The following SRFBP1 variants were observed in gnomAD, a reference collection of about 807,000 sequenced individuals.
The protein encoded by SRFBP1 is serum response factor binding protein 1.
In SRFBP1, 47 loss-of-function variants were observed where a neutral mutation model predicts 45.5. The ratio of observed to expected loss-of-function variants is 1.03; its 90% CI spans 0.82 to 1.32. The LOEUF is 1.32. SRFBP1 is among the 40% of genes most tolerant of loss of function. The pLI is 0.00. For synonymous variants in SRFBP1, 203 were observed against 166.3 expected (o/e 1.22, Z -1.70); for missense variants, 621 against 484.6 (o/e 1.28, Z -2.64).
chr5:122,033,881 T>TGGCACGATCTCGGCTCACTGCAGC (rs1753633170), intron 2 of SRFBP1, among the ~76,000 whole-genome samples: 1 of 146,648 alleles, frequency 6.8e-6, no homozygotes, highest in Admixed American at 6.9e-5. Context: ...TGGAGTGCAG[T>TGGCACGATCTCGGCTCACTGCAGC]GGCACGATCT....
At chr5:122,070,069 C>T in intron 2 of SRFBP1, 1 of 1,611,346 alleles carries the variant, frequency 6.2e-7, no homozygotes, top group Non-Finnish European at 8.5e-7. Flanking sequence ...ATTGTGCAGC[C>T]TGAGGCATAC....
chr5:122,073,714 A>G (rs1020825085), intron 2 of SRFBP1, among the ~76,000 whole-genome samples: 6 of 152,220 alleles, frequency 3.9e-5, no homozygotes, highest in African/African-American at 1.2e-4. Context: ...GGCCACATGC[A>G]TAACTGGAAA....
In SRFBP1 at chr5:121,979,709, G is replaced by A. The variant is rs555112436; in HGVS notation, c.198+4322G>A. Among the ~76,000 whole-genome samples, 22 of 152,246 alleles carry A rather than the reference G, an allele frequency of 1.4e-4. 1 individual carries two copies. The South Asian group carries it at 4.1e-3, about 29-fold the overall frequency. On this transcript the variant is annotated intron_variant, in intron 3 of 7. Transcript: ENST00000339397. ...AGGAGAAGCAAGGAGAGAGATCTGG[G>A]ACACTATGTAATTCCACAGGGTCCT...
chr5:122,008,473 T>A (rs1001386640), intron 4 of SRFBP1, among the ~76,000 whole-genome samples: 1 of 152,146 alleles, frequency 6.6e-6, no homozygotes, highest in African/African-American at 2.4e-5. Flanking sequence ...CATCACCACA[T>A]GGAAAGTATT....
At chr5:122,066,656 T>C in intron 2 of SRFBP1, 1 of 1,055,172 alleles carries the variant, frequency 9.5e-7, no homozygotes, top group South Asian at 1.4e-5. Context: ...TTTTTCAAAA[T>C]ACATAAATCC....
chr5:121,974,839 T>G (rs2112818557), intron 2 of SRFBP1, among the ~76,000 whole-genome samples: 1 of 152,070 alleles, frequency 6.6e-6, no homozygotes, highest in South Asian at 2.1e-4. Context: ...GCATGAATAC[T>G]TAGTCTTCAA....
At chr5:121,988,260 T>C (rs2112667712) in intron 3 of SRFBP1, among the ~76,000 whole-genome samples, 2 of 152,318 alleles carry the variant, frequency 1.3e-5, no homozygotes, top group East Asian at 1.9e-4. Context: ...TTTGATTCTT[T>C]GAATGAGTTT....
intron 2 of SRFBP1, among the ~76,000 whole-genome samples, chr5:122,047,504 G>T (rs1317308573): frequency 6.6e-6 from 1 of 150,768 alleles, no homozygotes; most frequent in Admixed American, 6.6e-5. Flanking sequence ...TTGTTCTTTT[G>T]GCTTAGGATT....
intron 2 of SRFBP1, among the ~76,000 whole-genome samples, chr5:122,043,783 G>C (rs1753808133): frequency 6.6e-6 from 1 of 152,102 alleles, no homozygotes; most frequent in South Asian, 2.1e-4. Context: ...CTCTGTGGCA[G>C]CTACTCAACT....
At chr5:122,039,332 G>C (rs1163399291) in intron 2 of SRFBP1, among the ~76,000 whole-genome samples, 1 of 152,132 alleles carries the variant, frequency 6.6e-6, no homozygotes, top group Non-Finnish European at 1.5e-5. Flanking sequence ...ATAGTAACTG[G>C]ATGGAACTTT....
intron 1 of SRFBP1, among the ~76,000 whole-genome samples, chr5:121,965,999 G>A (rs905856631): frequency 2.0e-5 from 3 of 152,094 alleles, no homozygotes; most frequent in African/African-American, 7.2e-5. Flanking sequence ...TCTATTATTG[G>A]TGTATGGGAA....
chr5:122,055,988 C>G (rs550222328), intron 2 of SRFBP1, among the ~76,000 whole-genome samples: 1 of 152,110 alleles, frequency 6.6e-6, no homozygotes, highest in African/African-American at 2.4e-5. Flanking sequence ...TCCAAATTCC[C>G]TAACCACTTT....
chr5:122,000,175 C>G (rs920661135), intron 4 of SRFBP1, among the ~76,000 whole-genome samples: 23 of 151,982 alleles, frequency 1.5e-4, no homozygotes, highest in African/African-American at 5.6e-4. Flanking sequence ...TAATTTTATG[C>G]TGTTTTATAT....
chr5:122,041,593 C>T (rs1376780292), intron 2 of SRFBP1, among the ~76,000 whole-genome samples: 1 of 151,770 alleles, frequency 6.6e-6, no homozygotes, highest in Non-Finnish European at 1.5e-5. Flanking sequence ...TAAATGTGAT[C>T]TGATCTTTTA....
intron 1 of SRFBP1, among the ~76,000 whole-genome samples, chr5:121,970,647 C>T (rs1426407414): frequency 6.6e-6 from 1 of 150,756 alleles, no homozygotes; most frequent in Non-Finnish European, 1.5e-5. Flanking sequence ...GTTAACTTAT[C>T]TAGCAGGAAA....
intron 4 of SRFBP1, among the ~76,000 whole-genome samples, chr5:122,009,532 A>T (rs778814574): frequency 6.6e-6 from 1 of 152,176 alleles, no homozygotes; most frequent in African/African-American, 2.4e-5. Context: ...AAACATAAAG[A>T]TGTGATATTT....
chr5:121,982,594 G>A (rs115965683), intron 3 of SRFBP1, among the ~76,000 whole-genome samples: 1 of 151,824 alleles, frequency 6.6e-6, no homozygotes, highest in Non-Finnish European at 1.5e-5. Context: ...TTTTTGAACC[G>A]CTTGCTTCTG....
At position 122,044,852 on chromosome 5, in the gene SRFBP1, CTTTAA is replaced by C. The variant is rs796316999; in HGVS notation, n.311+22451_311+22455del. On this transcript the variant is annotated intron_variant and non_coding_transcript_variant, in intron 2 of 2. Coordinates refer to the SRFBP1 transcript ENST00000504881. Reference sequence around the variant, plus strand: ...TAGTTTCTTTTGCTGTGCAAAAGCTCTTTAATTTAACTAGGTCCTACTTGTCAATT... The same window carrying C: ...TAGTTTCTTTTGCTGTGCAAAAGCTCTTTAACTAGGTCCTACTTGTCAATT... Among the ~76,000 whole-genome samples the C allele has an allele frequency of 1.1e-3, 164 of 152,206 alleles. 1 individual carries two copies. Among genetic ancestry groups the C allele is most frequent in the African/African-American group, 3.8e-3 (157 of 41,540 alleles).
chr5:122,058,529 AGTGTGTGTGTGTGTGT>A (rs147926229), intron 2 of SRFBP1, among the ~76,000 whole-genome samples: 8 of 142,348 alleles, frequency 5.6e-5, no homozygotes, highest in African/African-American at 1.0e-4. Context: ...ACAATGAGAT[AGTGTGTGTGTGTGTGT>A]GTGTGTGTGT....
Sources: allele counts gnomAD v4.1 joint callset (sites outside exome capture counted in the v4.1 genomes callset), GRCh38; gene constraint gnomAD v4.1.1; transcripts MANE v1.5; gene names NCBI Gene and HGNC (gene_info 2026-07-23, HGNC 2026-07-21).